Variants in GALNT13 observed in about 807,000 individuals in gnomAD.
GALNT13 encodes the protein UDP-GalNAc:polypeptide N-acetylgalactosaminyltransferase 13.
A neutral mutation model predicts 64.2 loss-of-function variants in GALNT13; 28 were observed. The ratio of observed to expected loss-of-function variants is 0.44; its 90% CI spans 0.32 to 0.60. The LOEUF is 0.60. Among genes scored for constraint, GALNT13 ranks in the 20% least tolerant of loss-of-function variants. The pLI is 0.05. For missense variants in GALNT13, 577 were observed against 669.8 expected (o/e 0.86, Z 1.53); for synonymous variants, 214 against 224.6 (o/e 0.95, Z 0.42).
chr2:154,089,053 C>T (rs917434811), intron 3 of GALNT13, among the ~76,000 whole-genome samples: 1 of 152,060 alleles, frequency 6.6e-6, no homozygotes, highest in Non-Finnish European at 1.5e-5. Context: ...TAGCTTGATA[C>T]TCTCATGGAG....
intron 4 of GALNT13, among the ~76,000 whole-genome samples, chr2:154,195,142 G>C (rs959293570): frequency 6.6e-6 from 1 of 151,966 alleles, no homozygotes; most frequent in Non-Finnish European, 1.5e-5. Flanking sequence ...CACAACTGCA[G>C]CTCTTCAGCC....
chr2:153,540,408 C>T, the GALNT13 span, among the ~76,000 whole-genome samples: 1 of 152,190 alleles, frequency 6.6e-6, no homozygotes, highest in Non-Finnish European at 1.5e-5. Flanking sequence ...GTGAAGTCCT[C>T]ATGGAGAACC....
the GALNT13 span, among the ~76,000 whole-genome samples, chr2:153,599,494 TG>T: frequency 6.6e-6 from 1 of 151,962 alleles, no homozygotes; most frequent in African/African-American, 2.4e-5. Flanking sequence ...TCACTTTGTA[TG>T]GGGTAAGTGC....
intron 9 of GALNT13, among the ~76,000 whole-genome samples, chr2:154,311,478 A>G (rs1694037062): frequency 6.6e-6 from 1 of 152,176 alleles, no homozygotes; most frequent in South Asian, 2.1e-4. Context: ...GGTGTGGGTG[A>G]CAGACATCAA....
chr2:154,235,023 G>T (rs971703112), intron 4 of GALNT13, among the ~76,000 whole-genome samples: 1 of 152,060 alleles, frequency 6.6e-6, no homozygotes, highest in African/African-American at 2.4e-5. Context: ...TTGGCTTCCT[G>T]TTCCTATTTT....
chr2:153,949,310 G>C (rs2105397891), intron 3 of GALNT13, among the ~76,000 whole-genome samples: 1 of 152,162 alleles, frequency 6.6e-6, no homozygotes, highest in South Asian at 2.1e-4. Flanking sequence ...GGAAAAGTAA[G>C]TTAGAAATGA....
intron 2 of GALNT13, among the ~76,000 whole-genome samples, chr2:153,914,365 G>A (rs1012653975): frequency 6.6e-6 from 1 of 151,594 alleles, no homozygotes; most frequent in African/African-American, 2.4e-5. Flanking sequence ...TGTGCCTGTA[G>A]TCCCAGCTAC....
At chr2:153,520,678 C>T in the GALNT13 span, among the ~76,000 whole-genome samples, 3 of 152,106 alleles carry the variant, frequency 2.0e-5, no homozygotes, top group Non-Finnish European at 2.9e-5. Flanking sequence ...TATTGACTGC[C>T]CTACTGCTTT....
intron 4 of GALNT13, among the ~76,000 whole-genome samples, chr2:154,230,135 G>C (rs559504986): frequency 6.6e-6 from 1 of 152,184 alleles, no homozygotes; most frequent in South Asian, 2.1e-4. Context: ...TAAAAAACAT[G>C]AGCCCCTGAG....
intron 2 of GALNT13, among the ~76,000 whole-genome samples, chr2:153,911,309 T>A (rs1688918805): frequency 6.6e-6 from 1 of 152,164 alleles, no homozygotes; most frequent in Non-Finnish European, 1.5e-5. Context: ...TGTCATTGTA[T>A]GTGTGATAGG....
chr2:153,472,325 T>C, the GALNT13 span, among the ~76,000 whole-genome samples: 1 of 152,204 alleles, frequency 6.6e-6, no homozygotes, highest in Non-Finnish European at 1.5e-5. Flanking sequence ...ATGTAGGCTA[T>C]GGCATAATTA....
the GALNT13 span, among the ~76,000 whole-genome samples, chr2:153,650,347 C>T: frequency 1.3e-5 from 2 of 152,052 alleles, no homozygotes; most frequent in African/African-American, 4.8e-5. Context: ...TTATTTTGAG[C>T]CTATGTGTGT....
At chr2:153,987,317 A>T (rs745313968) in intron 3 of GALNT13, among the ~76,000 whole-genome samples, 5 of 151,834 alleles carry the variant, frequency 3.3e-5, no homozygotes, top group Non-Finnish European at 5.9e-5. Context: ...TGTCTGTTGG[A>T]TTTGAGAGCC....
chr2:153,140,093 A>T, the GALNT13 span, among the ~76,000 whole-genome samples: 1 of 152,048 alleles, frequency 6.6e-6, no homozygotes, highest in Non-Finnish European at 1.5e-5. Flanking sequence ...TAATCTTACC[A>T]TCCATTCCTT....
intron 4 of GALNT13, among the ~76,000 whole-genome samples, chr2:154,195,136 A>G (rs554293073): frequency 1.3e-5 from 2 of 151,960 alleles, no homozygotes; most frequent in South Asian, 2.1e-4. Context: ...GCCTCCCACA[A>G]CTGCAGCTCT....
chr2:154,262,985 G>A (rs1690781956), intron 8 of GALNT13, among the ~76,000 whole-genome samples: 1 of 152,066 alleles, frequency 6.6e-6, no homozygotes, highest in African/African-American at 2.4e-5. Context: ...ACCACCAAAA[G>A]TCCTTGTCTT....
chr2:153,850,362 C>T, the GALNT13 span, among the ~76,000 whole-genome samples: 3 of 152,086 alleles, frequency 2.0e-5, no homozygotes, highest in Non-Finnish European at 4.4e-5. Flanking sequence ...AAAATAAAGA[C>T]TGATTTGTTC....
At chr2:153,739,390 T>G in the GALNT13 span, among the ~76,000 whole-genome samples, 1 of 151,516 alleles carries the variant, frequency 6.6e-6, no homozygotes, top group Non-Finnish European at 1.5e-5. Flanking sequence ...AAAATGGAAT[T>G]ATATACTCTG....
chr2:153,952,989 C>G (rs1296905182), intron 3 of GALNT13, among the ~76,000 whole-genome samples: 1 of 152,134 alleles, frequency 6.6e-6, no homozygotes, highest in Admixed American at 6.6e-5. Flanking sequence ...TTATCCTAAC[C>G]ATGCTGGCAG....
Sources: gnomAD v4.1 joint callset for allele counts (sites outside exome capture counted in the v4.1 genomes callset) on GRCh38, gnomAD v4.1.1 for gene constraint, MANE v1.5 for transcripts, NCBI Gene and HGNC (gene_info 2026-07-23, HGNC 2026-07-21) for gene names.